BLTP3A: variants seen among roughly 807,000 people sequenced by gnomAD.
BLTP3A encodes bridge-like lipid transfer protein family member 3A.
chr6:34,869,408 C>T, the BLTP3A span, among the ~76,000 whole-genome samples: 2 of 152,116 alleles, frequency 1.3e-5, no homozygotes, highest in Non-Finnish European at 2.9e-5. Flanking sequence ...TAATCACTAT[C>T]CTGAATTTGT....
the BLTP3A span, among the ~76,000 whole-genome samples, chr6:34,844,459 A>G: frequency 6.6e-6 from 1 of 151,996 alleles, no homozygotes. Context: ...ATTTTTAGTA[A>G]AGACAGGATT....
chr6:34,863,966 G>T, the BLTP3A span: 1 of 1,545,894 alleles, frequency 6.5e-7, no homozygotes, highest in Non-Finnish European at 8.7e-7. Context: ...TGTCTCCAAA[G>T]CCACATTTGT....
chr6:34,824,270 C>T, the BLTP3A span, among the ~76,000 whole-genome samples: 9 of 152,192 alleles, frequency 5.9e-5, no homozygotes, highest in Admixed American at 3.3e-4. Context: ...CGGTGGCTCA[C>T]GCCTGTAATC....
At chr6:34,868,249 T>G in the BLTP3A span, among the ~76,000 whole-genome samples, 1 of 151,794 alleles carries the variant, frequency 6.6e-6, no homozygotes, top group Admixed American at 6.6e-5. Context: ...GAGGTTGCAG[T>G]GAGCTGAGAT....
the BLTP3A span, chr6:34,867,268 C>T: frequency 6.2e-7 from 1 of 1,614,060 alleles, no homozygotes; most frequent in Non-Finnish European, 8.5e-7. Flanking sequence ...TTTCAAATGT[C>T]TCAGATAATG....
chr6:34,858,773 C>T, the BLTP3A span: 5 of 1,614,036 alleles, frequency 3.1e-6, no homozygotes, highest in Admixed American at 3.3e-5. Flanking sequence ...AACAAAGGGC[C>T]TCTGACAGAG....
At chr6:34,862,135 T>C in the BLTP3A span, among the ~76,000 whole-genome samples, 1 of 152,020 alleles carries the variant, frequency 6.6e-6, no homozygotes, top group Non-Finnish European at 1.5e-5. Flanking sequence ...TCCCAGCACT[T>C]TGGGGGGCCA....
At chr6:34,813,673 C>G in the BLTP3A span, among the ~76,000 whole-genome samples, 88 of 152,228 alleles carry the variant, frequency 5.8e-4, no homozygotes, top group African/African-American at 2.0e-3. Flanking sequence ...AACACAAATG[C>G]TTTTTTTCTG....
chr6:34,810,280 TACACAAGAA>T, the BLTP3A span, among the ~76,000 whole-genome samples: 16 of 152,198 alleles, frequency 1.1e-4, no homozygotes, highest in Non-Finnish European at 2.2e-4. Flanking sequence ...TCATGAATAG[TACACAAGAA>T]ACACAAGAGA....
chr6:34,865,189 C>T, the BLTP3A span, among the ~76,000 whole-genome samples: 1 of 152,322 alleles, frequency 6.6e-6, no homozygotes, highest in South Asian at 2.1e-4. Flanking sequence ...TTCCTCCTAA[C>T]CCCTCCCATT....
At chr6:34,836,174 A>G in the BLTP3A span, 1 of 1,614,114 alleles carries the variant, frequency 6.2e-7, no homozygotes, top group Non-Finnish European at 8.5e-7. Context: ...ACCAGCCCCC[A>G]GTGCCCAGCA....
At chr6:34,857,177 A>C in the BLTP3A span, 2 of 1,052,758 alleles carry the variant, frequency 1.9e-6, no homozygotes, top group Admixed American at 2.7e-5. Flanking sequence ...AGTGCGAGGC[A>C]GGTGTGAGAA....
At chr6:34,794,018 G>A in the BLTP3A span, among the ~76,000 whole-genome samples, 2 of 152,136 alleles carry the variant, frequency 1.3e-5, no homozygotes, top group South Asian at 2.1e-4. Context: ...AAATTAGCCT[G>A]GCATGGTGGT....
the BLTP3A span, among the ~76,000 whole-genome samples, chr6:34,835,764 T>C: frequency 6.6e-6 from 1 of 152,162 alleles, no homozygotes; most frequent in Non-Finnish European, 1.5e-5. Flanking sequence ...CAGTATGGTG[T>C]GATAAATGCT....
chr6:34,863,955 A>T, the BLTP3A span: 10 of 1,524,838 alleles, frequency 6.6e-6, no homozygotes, highest in Non-Finnish European at 8.8e-6. Context: ...GGGAATAAAC[A>T]TGTCTCCAAA....
At chr6:34,795,334 T>C in the BLTP3A span, among the ~76,000 whole-genome samples, 5 of 152,060 alleles carry the variant, frequency 3.3e-5, no homozygotes, top group African/African-American at 1.2e-4. Context: ...TGCCTCAGCC[T>C]CCCAAAGTGC....
chr6:34,867,765 T>G, the BLTP3A span: 1 of 1,089,188 alleles, frequency 9.2e-7, no homozygotes, highest in Non-Finnish European at 1.3e-6. Flanking sequence ...AAAACTCCAT[T>G]GAAGCCTTTT....
chr6:34,792,319 G>A, the BLTP3A span: 1 of 1,535,254 alleles, frequency 6.5e-7, no homozygotes, highest in Non-Finnish European at 8.8e-7. Context: ...GCCGGCCCCC[G>A]GCGGTCCTGG....
the BLTP3A span, among the ~76,000 whole-genome samples, chr6:34,842,132 G>T: frequency 6.6e-6 from 1 of 151,980 alleles, no homozygotes; most frequent in Non-Finnish European, 1.5e-5. Flanking sequence ...ATAGTTTATT[G>T]TTCTTTTAGC....
Sources: allele counts gnomAD v4.1 joint callset (sites outside exome capture counted in the v4.1 genomes callset), GRCh38; gene constraint gnomAD v4.1.1; transcripts MANE v1.5; gene names NCBI Gene and HGNC (gene_info 2026-07-23, HGNC 2026-07-21).